The following MAPRE2 variants were observed in gnomAD, a reference collection of about 807,000 sequenced individuals.
MAPRE2 encodes microtubule-associated protein RP/EB family member 2.
In MAPRE2, 13 loss-of-function variants were observed where a neutral mutation model predicts 43.2. That is an observed-to-expected ratio of 0.30 (90% confidence interval 0.20 to 0.48). MAPRE2 has a LOEUF of 0.48. Among genes scored for constraint, MAPRE2 ranks in the 20% least tolerant of loss-of-function variants. The probability of loss-of-function intolerance (pLI) is 0.99; values close to 1 mark genes in which losing one functional copy is unlikely to be tolerated. For synonymous variants in MAPRE2, 135 were observed against 148.8 expected, an observed-to-expected ratio of 0.91 and a Z score of 0.68; for missense variants, 161 against 400.2, an observed-to-expected ratio of 0.40 and a Z score of 5.10.
intron 2 of MAPRE2, among the ~76,000 whole-genome samples, chr18:35,096,663 A>C (rs2144167026): frequency 6.6e-6 from 1 of 152,242 alleles, no homozygotes; most frequent in South Asian, 2.1e-4. Flanking sequence ...ATTGCTCTGG[A>C]CTGGAATTAA....
chr18:35,067,639 C>A (rs1906900855), intron 1 of MAPRE2, among the ~76,000 whole-genome samples: 1 of 152,032 alleles, frequency 6.6e-6, no homozygotes, highest in Admixed American at 6.6e-5. Flanking sequence ...TAACCCTGGG[C>A]CTCGACACCA....
At chr18:35,045,869 A>G (rs151172631) in intron 1 of MAPRE2, among the ~76,000 whole-genome samples, 1 of 152,378 alleles carries the variant, frequency 6.6e-6, no homozygotes, top group Non-Finnish European at 1.5e-5. Flanking sequence ...TGTAAAAATC[A>G]GAAGATTACT....
At chr18:35,066,608 G>A (rs188587190) in intron 1 of MAPRE2, among the ~76,000 whole-genome samples, 38 of 152,350 alleles carry the variant, frequency 2.5e-4, no homozygotes, top group African/African-American at 8.9e-4. Flanking sequence ...TATATGGAAA[G>A]CATACCTGTA....
At chr18:35,003,616 T>A (rs12964519) in intron 1 of MAPRE2, among the ~76,000 whole-genome samples, 2 of 152,008 alleles carry the variant, frequency 1.3e-5, no homozygotes, top group African/African-American at 4.8e-5. Context: ...CAGACAATTC[T>A]GAATTTTCTA....
chr18:34,979,072 G>T (rs1472915006), intron 1 of MAPRE2, among the ~76,000 whole-genome samples: 1 of 152,210 alleles, frequency 6.6e-6, no homozygotes, highest in Non-Finnish European at 1.5e-5. Flanking sequence ...TTGGGTGGGT[G>T]AGAGAAAAGA....
chr18:34,995,725 T>C (rs2097026160), intron 1 of MAPRE2, among the ~76,000 whole-genome samples: 1 of 152,170 alleles, frequency 6.6e-6, no homozygotes, highest in African/African-American at 2.4e-5. Context: ...TTTGTGTCCA[T>C]TGTTTGGTAG....
At chr18:34,982,415 C>G (rs962615668) in intron 1 of MAPRE2, among the ~76,000 whole-genome samples, 1 of 152,280 alleles carries the variant, frequency 6.6e-6, no homozygotes, top group Middle Eastern at 3.4e-3. Flanking sequence ...TGACTGTCTC[C>G]CTCAAAGCAC....
chr18:35,048,881 A>G (rs1905790974), intron 1 of MAPRE2, among the ~76,000 whole-genome samples: 1 of 151,900 alleles, frequency 6.6e-6, no homozygotes, highest in South Asian at 2.1e-4. Flanking sequence ...TACAGAAGAA[A>G]ATACAAATTT....
At chr18:35,065,465 C>CTTTAATG (rs1438490580) in intron 1 of MAPRE2, among the ~76,000 whole-genome samples, 1 of 152,094 alleles carries the variant, frequency 6.6e-6, no homozygotes, top group Non-Finnish European at 1.5e-5. Flanking sequence ...AGTGTGGTGA[C>CTTTAATG]CCAGGGACTG....
At chr18:35,036,872 T>A (rs1308283702), upstream of MAPRE2, among the ~76,000 whole-genome samples, 2 of 152,210 alleles carry the variant, frequency 1.3e-5, no homozygotes, top group Non-Finnish European at 2.9e-5. Context: ...GATAGAGCGG[T>A]GAACAAAACT....
chr18:35,072,933 C>T (rs533760138), intron 2 of MAPRE2, among the ~76,000 whole-genome samples: 17 of 151,250 alleles, frequency 1.1e-4, no homozygotes, highest in African/African-American at 3.6e-4. Context: ...ATATGTTTCT[C>T]GCTAGAAAAA....
At chr18:35,004,041 T>C (rs2097030606) in intron 1 of MAPRE2, among the ~76,000 whole-genome samples, 1 of 152,154 alleles carries the variant, frequency 6.6e-6, no homozygotes. Flanking sequence ...CCCAAGTTTA[T>C]TAATTATTTT....
rs140526833 is a variant in MAPRE2 at position 35,117,203 on chromosome 18, G to C, written c.611-9745G>C. 2.4e-3 allele frequency among the ~76,000 whole-genome samples: 371 copies of C among 152,314 alleles called. 2 individuals are homozygous for C. Among genetic ancestry groups the C allele is most frequent in the Middle Eastern group, 0.014 (4 of 294 alleles). On this transcript the variant is annotated intron_variant, in intron 4 of 6. Coordinates refer to ENST00000300249, the MANE Select transcript of MAPRE2 (RefSeq NM_014268.4). ...TACACACATTTCTGACTTACTAGTCGGTTGATAGAAGCAGAGATCCCTGGA... is the reference window on the plus strand; with the variant it reads ...TACACACATTTCTGACTTACTAGTCCGTTGATAGAAGCAGAGATCCCTGGA...
At chr18:35,072,766 T>C (rs1252266832) in intron 2 of MAPRE2, among the ~76,000 whole-genome samples, 1 of 152,154 alleles carries the variant, frequency 6.6e-6, no homozygotes, top group African/African-American at 2.4e-5. Context: ...CAAGCGTGGC[T>C]TGATTTAAAA....
intron 4 of MAPRE2, among the ~76,000 whole-genome samples, chr18:35,120,346 G>C (rs1166105208): frequency 1.3e-5 from 2 of 152,174 alleles, no homozygotes; most frequent in Non-Finnish European, 2.9e-5. Flanking sequence ...TGGCTGCACT[G>C]GTCAGAACAG....
chr18:35,118,165 C>T lies in MAPRE2; in HGVS notation c.611-8783C>T, dbSNP rs187050320. 4.1e-3 allele frequency among the ~76,000 whole-genome samples: 629 copies of T among 152,208 alleles called. 1 individual carries two copies. The highest frequency in any genetic ancestry group is 6.8e-3 in the Middle Eastern group (2 of 294). On this transcript the variant is annotated intron_variant, in intron 4 of 6. Transcript: ENST00000300249. ...GGCAGGCTTTGAGACCACAAGTCAGCGAAGAGAGGTCCTCAGGTGCTGACC... is the reference window on the plus strand; with the variant it reads ...GGCAGGCTTTGAGACCACAAGTCAGTGAAGAGAGGTCCTCAGGTGCTGACC...
intron 1 of MAPRE2, among the ~76,000 whole-genome samples, chr18:34,996,465 G>A (rs2097026571): frequency 6.6e-6 from 1 of 152,142 alleles, no homozygotes; most frequent in Non-Finnish European, 1.5e-5. Flanking sequence ...TACCCAACTA[G>A]ACTTAAGTCC....
intron 1 of MAPRE2, among the ~76,000 whole-genome samples, chr18:34,980,023 C>CTTTTTTTTTTTTTTTTTTTTTTTTTTTTT (rs1450524683): frequency 1.5e-5 from 2 of 132,506 alleles, no homozygotes; most frequent in African/African-American, 5.9e-5. Flanking sequence ...TTTTCTTTTT[C>CTTTTTTTTTTTTTTTTTTTTTTTTTTTTT]TTTTTTTCTT....
intron 2 of MAPRE2, among the ~76,000 whole-genome samples, chr18:35,072,948 A>AT (rs909670918): frequency 1.3e-5 from 2 of 152,142 alleles, no homozygotes; most frequent in Non-Finnish European, 2.9e-5. Flanking sequence ...GAAAAAAAAA[A>AT]GGAAGTTAAT....
Sources: gnomAD v4.1 joint callset for allele counts (sites outside exome capture counted in the v4.1 genomes callset) on GRCh38, gnomAD v4.1.1 for gene constraint, MANE v1.5 for transcripts, NCBI Gene and HGNC (gene_info 2026-07-23, HGNC 2026-07-21) for gene names.